KLF12: variants seen among roughly 807,000 people sequenced by gnomAD.
KLF12 encodes the protein KLF transcription factor 12.
KLF12 carries 9 observed loss-of-function variants against 37.8 expected under a neutral mutation model. The observed-to-expected ratio is 0.24, with a 90% CI of 0.14 to 0.42. The LOEUF (loss-of-function observed/expected upper bound fraction) is 0.42. Among genes scored for constraint, KLF12 ranks in the 10% least tolerant of loss-of-function variants. The pLI, the probability that KLF12 is intolerant of heterozygous loss-of-function variation, is 1.00. For synonymous variants in KLF12, 208 were observed against 202.1 expected (o/e 1.03, Z -0.25); for missense variants, 411 against 516.0 (o/e 0.80, Z 1.97).
intron 2 of KLF12, among the ~76,000 whole-genome samples, chr13:73,949,914 C>T (rs1890581685): frequency 6.6e-6 from 1 of 151,976 alleles, no homozygotes; most frequent in Admixed American, 6.6e-5. Context: ...AAATAAGAGC[C>T]AAAACCATAG....
chr13:73,800,217 G>A (rs908596049), intron 5 of KLF12: 8 of 151,816 alleles, frequency 5.3e-5, no homozygotes, highest in African/African-American at 1.7e-4. Context: ...TATTATACTT[G>A]GCAAAACAAA....
the KLF12 span, among the ~76,000 whole-genome samples, chr13:74,254,846 TA>T: frequency 6.6e-6 from 1 of 152,158 alleles, no homozygotes; most frequent in South Asian, 2.1e-4. Context: ...TAGTTATTAA[TA>T]AACCTCGCTG....
At chr13:73,796,816 G>T (rs1242114692) in intron 5 of KLF12, among the ~76,000 whole-genome samples, 5 of 152,062 alleles carry the variant, frequency 3.3e-5, no homozygotes, top group African/African-American at 7.2e-5. Context: ...CAATCCAAAT[G>T]TCCATCAAGA....
the KLF12 span, among the ~76,000 whole-genome samples, chr13:74,172,139 C>G: frequency 1.6e-4 from 3 of 18,838 alleles, no homozygotes; most frequent in Admixed American, 7.2e-4. Context: ...TTATTTTCCT[C>G]ACGACACACA....
intron 1 of KLF12, among the ~76,000 whole-genome samples, chr13:74,054,999 TGAA>T (rs1191827186): frequency 6.6e-6 from 1 of 152,142 alleles, no homozygotes; most frequent in Non-Finnish European, 1.5e-5. Context: ...AACATCGCGA[TGAA>T]GAAGGTAAGA....
chr13:73,698,237 A>T (rs1566303849), intron 7 of KLF12, among the ~76,000 whole-genome samples: 1 of 152,022 alleles, frequency 6.6e-6, no homozygotes, highest in African/African-American at 2.4e-5. Flanking sequence ...AAAAGAAAAG[A>T]TAAGCTGCTG....
intron 2 of KLF12, among the ~76,000 whole-genome samples, chr13:73,957,931 C>T (rs751192238): frequency 5.9e-4 from 90 of 152,234 alleles, no homozygotes; most frequent in Non-Finnish European, 1.1e-3. Flanking sequence ...TCTAGAAGAT[C>T]GTACTGTTGA....
chr13:74,170,136 C>A, the KLF12 span, among the ~76,000 whole-genome samples: 3 of 152,130 alleles, frequency 2.0e-5, no homozygotes, highest in East Asian at 5.8e-4. Context: ...ACTCTCAAAT[C>A]CCTTCTAAAA....
intron 3 of KLF12, among the ~76,000 whole-genome samples, chr13:73,920,899 C>T (rs964988811): frequency 6.6e-6 from 1 of 152,104 alleles, no homozygotes; most frequent in African/African-American, 2.4e-5. Flanking sequence ...TCTGCCTTCT[C>T]CAGAAGCACA....
At chr13:73,757,618 A>C (rs1772505743) in intron 6 of KLF12, among the ~76,000 whole-genome samples, 1 of 152,176 alleles carries the variant, frequency 6.6e-6, no homozygotes, top group Non-Finnish European at 1.5e-5. Context: ...CAGCAGATGA[A>C]AACCAGAACA....
intron 4 of KLF12, among the ~76,000 whole-genome samples, chr13:73,840,927 GCT>G (rs1342063382): frequency 6.6e-6 from 1 of 151,978 alleles, no homozygotes; most frequent in African/African-American, 2.4e-5. Context: ...TGAACCTGCA[GCT>G]CTCTCTTTTT....
chr13:73,863,440 GT>G (rs1159527793), intron 3 of KLF12, among the ~76,000 whole-genome samples: 2 of 148,934 alleles, frequency 1.3e-5, no homozygotes, highest in Non-Finnish European at 3.0e-5. Context: ...ACTTACAACA[GT>G]GCTAATATTA....
At chr13:74,119,186 A>C (rs1363066621) in intron 1 of KLF12, among the ~76,000 whole-genome samples, 4 of 152,084 alleles carry the variant, frequency 2.6e-5, no homozygotes, top group Non-Finnish European at 5.9e-5. Flanking sequence ...TACAAAAATT[A>C]TCCAGGTGTG....
At chr13:73,745,983 T>C (rs1878333655) in intron 6 of KLF12, among the ~76,000 whole-genome samples, 1 of 151,914 alleles carries the variant, frequency 6.6e-6, no homozygotes, top group South Asian at 2.1e-4. Context: ...AAAATAGGTC[T>C]CTGGACCCAG....
intron 6 of KLF12, among the ~76,000 whole-genome samples, chr13:73,752,952 C>G (rs1188960075): frequency 6.6e-6 from 1 of 151,894 alleles, no homozygotes; most frequent in Non-Finnish European, 1.5e-5. Context: ...TGGGGTTTCA[C>G]TGTATTGACC....
the KLF12 span, among the ~76,000 whole-genome samples, chr13:74,179,498 A>G: frequency 1.3e-5 from 2 of 152,338 alleles, no homozygotes; most frequent in East Asian, 3.9e-4. Context: ...AAAATGATTT[A>G]AATGAAGGGA....
chr13:74,249,957 G>A, the KLF12 span, among the ~76,000 whole-genome samples: 1 of 152,160 alleles, frequency 6.6e-6, no homozygotes, highest in African/African-American at 2.4e-5. Flanking sequence ...TCACTCAACA[G>A]TGTCCAAACT....
intron 5 of KLF12, among the ~76,000 whole-genome samples, chr13:73,783,741 G>A (rs1881129892): frequency 6.6e-6 from 1 of 152,086 alleles, no homozygotes; most frequent in Admixed American, 6.6e-5. Context: ...CCAAGAGTAT[G>A]CAATTTGGAA....
chr13:74,148,403 C>CTT, the KLF12 span, among the ~76,000 whole-genome samples: 8,467 of 73,462 alleles, frequency 0.12, 1,694 homozygotes, highest in Middle Eastern at 0.18. Context: ...CAAAACTGCT[C>CTT]TTTTTTTTTT....
Sources: gnomAD v4.1 joint callset for allele counts (sites outside exome capture counted in the v4.1 genomes callset) on GRCh38, gnomAD v4.1.1 for gene constraint, MANE v1.5 for transcripts, NCBI Gene and HGNC (gene_info 2026-07-23, HGNC 2026-07-21) for gene names.